The following ATP10B variants were observed in gnomAD, a reference collection of about 807,000 sequenced individuals.
ATP10B encodes phospholipid-transporting ATPase VB.
Under a neutral mutation model 141.2 loss-of-function variants are expected in ATP10B, and 122 were observed. The observed-to-expected ratio is 0.86, with a 90% CI of 0.75 to 1.00. ATP10B has a LOEUF of 1.00. ATP10B is among the 50% of genes least tolerant of loss of function. The pLI, the probability that ATP10B is intolerant of heterozygous loss-of-function variation, is 0.00. For synonymous variants in ATP10B, 685 were observed against 692.0 expected, an observed-to-expected ratio of 0.99 and a Z score of 0.16; for missense variants, 1,876 against 1,825.3, an observed-to-expected ratio of 1.03 and a Z score of -0.51.
chr5:160,817,326 CA>C (rs1470017402), intron 1 of ATP10B, among the ~76,000 whole-genome samples: 1 of 152,106 alleles, frequency 6.6e-6, no homozygotes, highest in Non-Finnish European at 1.5e-5. Context: ...AATTGATGAG[CA>C]AAAATCACAA....
At chr5:160,731,962 C>A (rs893574755) in intron 2 of ATP10B, among the ~76,000 whole-genome samples, 12 of 152,114 alleles carry the variant, frequency 7.9e-5, no homozygotes, top group African/African-American at 2.9e-4. Flanking sequence ...ATTTAACCTT[C>A]ATTATATCGA....
intron 6 of ATP10B, among the ~76,000 whole-genome samples, chr5:160,679,481 C>T (rs1375599515): frequency 1.3e-5 from 2 of 152,234 alleles, no homozygotes; most frequent in Non-Finnish European, 2.9e-5. Context: ...GTTGCTCCTC[C>T]TTCAGGGCTC....
At chr5:160,843,187 A>G (rs1775911708) in intron 1 of ATP10B, among the ~76,000 whole-genome samples, 1 of 152,148 alleles carries the variant, frequency 6.6e-6, no homozygotes, top group Non-Finnish European at 1.5e-5. Context: ...TTTCAACATA[A>G]AGAGGTTTAG....
chr5:160,892,273 C>T, the ATP10B span, among the ~76,000 whole-genome samples: 2 of 152,178 alleles, frequency 1.3e-5, no homozygotes, highest in Admixed American at 6.5e-5. Context: ...TCAGGCCTCT[C>T]CCAATTTCAC....
At chr5:160,745,042 C>A (rs1250779690) in intron 2 of ATP10B, among the ~76,000 whole-genome samples, 30 of 152,192 alleles carry the variant, frequency 2.0e-4, no homozygotes, top group Admixed American at 1.9e-3. Flanking sequence ...GCCTCAGTTT[C>A]CTCAAAGGGT....
At chr5:160,592,953 T>G (rs1246201396) in intron 22 of ATP10B, among the ~76,000 whole-genome samples, 1 of 152,224 alleles carries the variant, frequency 6.6e-6, no homozygotes, top group East Asian at 1.9e-4. Context: ...CAAGGAGGCC[T>G]GCCTGCCTCT....
chr5:160,919,757 T>C, the ATP10B span, among the ~76,000 whole-genome samples: 1 of 152,050 alleles, frequency 6.6e-6, no homozygotes, highest in African/African-American at 2.4e-5. Flanking sequence ...CCCAGTAGCT[T>C]CCGCTAGCTC....
intron 2 of ATP10B, among the ~76,000 whole-genome samples, chr5:160,731,310 A>T (rs1245836589): frequency 1.3e-5 from 2 of 152,208 alleles, no homozygotes. Flanking sequence ...TGTCATAATG[A>T]TCAGCCATGC....
the ATP10B span, among the ~76,000 whole-genome samples, chr5:160,928,919 AG>A: frequency 6.6e-6 from 1 of 152,218 alleles, no homozygotes; most frequent in Non-Finnish European, 1.5e-5. Flanking sequence ...AGCATGTGAA[AG>A]GAACCACGAC....
At chr5:160,779,173 C>T (rs978876189) in intron 2 of ATP10B, among the ~76,000 whole-genome samples, 1 of 152,064 alleles carries the variant, frequency 6.6e-6, no homozygotes, top group Non-Finnish European at 1.5e-5. Flanking sequence ...GTAGTGAAAG[C>T]CAAGTACTTT....
intron 1 of ATP10B, among the ~76,000 whole-genome samples, chr5:160,793,919 T>C (rs950084827): frequency 6.6e-5 from 10 of 152,120 alleles, no homozygotes; most frequent in Admixed American, 2.6e-4. Flanking sequence ...TGTACAGGCT[T>C]GTAGCCTAGG....
Position 160,565,469 on chromosome 5 carries a change from C to G in ATP10B, c.4370G>C (p.Ser1457Thr), listed in dbSNP as rs766607785. The G allele has an allele frequency of 5.6e-5, 90 of 1,613,916 alleles. No individual in the cohort carries two copies. The highest frequency in any genetic ancestry group is 7.4e-5 in the Non-Finnish European group (87 of 1,179,936). The change falls in exon 26 of 26, where the codon AGT becomes ACT. Residue 1457 changes from serine to threonine, a missense_variant. Ser to Thr is a moderately conservative substitution (Grantham distance 58, BLOSUM62 1). Transcript: ENST00000327245. Reference protein sequence around the residue: ...SKRSSHRRSQSSLTI With the variant: ...SKRSSHRRSQTSLTI ...TGCAGCTCCTCATATGGTCAGTGAA[C>G]TCTGGGATCGGCGATGGCTGCTCCT... is the stretch of plus-strand genomic sequence containing the variant.
Position 160,769,267 on chromosome 5 carries a change from G to T in ATP10B, c.-331+16292C>A, listed in dbSNP as rs560728958. ...GAAAGCTTTCAAAGACAGCTTTGTT[G>T]CCAATCCTGTCTTCTGACTGTGTTT... On this transcript the variant is annotated intron_variant, in intron 2 of 25. Coordinates refer to ENST00000327245, the MANE Select transcript of ATP10B (RefSeq NM_025153.3). Among the ~76,000 whole-genome samples, 4 of 152,268 alleles carry T rather than the reference G, an allele frequency of 2.6e-5. No homozygotes were observed. In the South Asian group the frequency reaches 8.3e-4, roughly 32 times the overall value.
the ATP10B span, among the ~76,000 whole-genome samples, chr5:160,898,454 C>T: frequency 1.3e-5 from 2 of 152,164 alleles, no homozygotes; most frequent in Admixed American, 1.3e-4. Context: ...GATACCATCT[C>T]ACATCAGTTA....
At chr5:160,767,669 G>A (rs537654188) in intron 2 of ATP10B, among the ~76,000 whole-genome samples, 5 of 133,386 alleles carry the variant, frequency 3.7e-5, no homozygotes, top group African/African-American at 1.4e-4. Flanking sequence ...TACTCTGACT[G>A]GTTCTGGTCC....
At chr5:160,891,905 A>C in the ATP10B span, among the ~76,000 whole-genome samples, 1 of 152,224 alleles carries the variant, frequency 6.6e-6, no homozygotes, top group South Asian at 2.1e-4. Flanking sequence ...ATATGAGTGT[A>C]GGAATACTAC....
intron 18 of ATP10B, among the ~76,000 whole-genome samples, chr5:160,609,537 C>A (rs1224842913): frequency 2.0e-5 from 3 of 152,054 alleles, no homozygotes; most frequent in Non-Finnish European, 4.4e-5. Flanking sequence ...CGCCACCACA[C>A]CTGGCTAATT....
intron 22 of ATP10B, among the ~76,000 whole-genome samples, chr5:160,596,203 T>A (rs1291455894): frequency 6.6e-6 from 1 of 152,176 alleles, no homozygotes; most frequent in Non-Finnish European, 1.5e-5. Context: ...CATGATCAAG[T>A]TGGCCTCATC....
intron 8 of ATP10B, among the ~76,000 whole-genome samples, chr5:160,645,075 C>T (rs925864489): frequency 3.5e-4 from 52 of 149,790 alleles, no homozygotes; most frequent in African/African-American, 1.2e-3. Context: ...CAAGATTGCT[C>T]CTTTGCACTC....
Sources: allele counts gnomAD v4.1 joint callset (sites outside exome capture counted in the v4.1 genomes callset), GRCh38; gene constraint gnomAD v4.1.1; transcripts MANE v1.5; gene names NCBI Gene and HGNC (gene_info 2026-07-23, HGNC 2026-07-21).